Variants in UTS2 observed in about 807,000 individuals in gnomAD.
The protein encoded by UTS2 is urotensin 2, also known as urotensin-2.
In UTS2, 10 loss-of-function variants were observed where a neutral mutation model predicts 12.6. The ratio of observed to expected loss-of-function variants is 0.80; its 90% confidence interval spans 0.49 to 1.35. The LOEUF (loss-of-function observed/expected upper bound fraction) is 1.35. Ranked by LOEUF, UTS2 falls within the 40% of genes most tolerant of loss-of-function variation. The pLI is 0.00. For missense variants in UTS2, 142 were observed against 143.2 expected, an observed-to-expected ratio of 0.99 and a Z score of 0.04; for synonymous variants, 52 against 50.0, an observed-to-expected ratio of 1.04 and a Z score of -0.17.
the UTS2 span, among the ~76,000 whole-genome samples, chr1:7,868,814 G>A: frequency 6.6e-6 from 1 of 152,304 alleles, no homozygotes; most frequent in South Asian, 2.1e-4. Flanking sequence ...TTGCAGGTGG[G>A]GCTGTTGGGA....
At chr1:7,891,444 T>C in the UTS2 span, among the ~76,000 whole-genome samples, 24 of 151,872 alleles carry the variant, frequency 1.6e-4, no homozygotes, top group East Asian at 4.7e-3. Context: ...GAGAATCCCT[T>C]GAACCGGGGA....
chr1:7,901,687 T>C, the UTS2 span, among the ~76,000 whole-genome samples: 1 of 152,050 alleles, frequency 6.6e-6, no homozygotes, highest in Non-Finnish European at 1.5e-5. Flanking sequence ...AGGTAGGTGC[T>C]ATTGTCTTCA....
the UTS2 span, among the ~76,000 whole-genome samples, chr1:7,863,076 T>C: frequency 1.1e-5 from 1 of 93,906 alleles, no homozygotes; most frequent in African/African-American, 4.1e-5. Context: ...TTGTATTGTA[T>C]TGTATTGTAT....
chr1:7,861,737 C>T, the UTS2 span, among the ~76,000 whole-genome samples: 2 of 152,030 alleles, frequency 1.3e-5, no homozygotes, highest in African/African-American at 2.4e-5. Flanking sequence ...GGACAAAAGG[C>T]GGAAACGAGC....
chr1:7,850,365 C>T (rs1017950503), intron 2 of UTS2, among the ~76,000 whole-genome samples: 2 of 152,102 alleles, frequency 1.3e-5, no homozygotes, highest in Non-Finnish European at 2.9e-5. Context: ...TTATTAATGA[C>T]TTTCTGTGTG....
intron 2 of UTS2, 89 bp from the exon 3 acceptor site, chr1:7,849,772 A>G: frequency 8.3e-7 from 1 of 1,202,140 alleles, no homozygotes; most frequent in East Asian, 2.8e-5. Flanking sequence ...TTACTAAATT[A>G]TGTCTAGTTT....
chr1:7,856,819 G>C (rs912241971), upstream of UTS2, among the ~76,000 whole-genome samples: 1 of 119,940 alleles, frequency 8.3e-6, no homozygotes, highest in Non-Finnish European at 2.0e-5. Flanking sequence ...CCAGCACTTT[G>C]GGGGGCCGAG....
At chr1:7,869,069 A>T in the UTS2 span, among the ~76,000 whole-genome samples, 1 of 152,216 alleles carries the variant, frequency 6.6e-6, no homozygotes, top group Non-Finnish European at 1.5e-5. Context: ...CAGCCCCAAC[A>T]GACTAAGGCA....
rs1404410980 is a variant in UTS2 at position 7,853,056 on chromosome 1, C to T, written c.-53G>A. 1.9e-6 allele frequency: 3 copies of T among 1,579,932 alleles called. No homozygotes were observed. The highest frequency in any genetic ancestry group is 2.6e-6 in the Non-Finnish European group (3 of 1,167,630). On this transcript the variant is annotated 5_prime_UTR_variant, in exon 1 of 4. Coordinates refer to ENST00000361696, the MANE Select transcript of UTS2 (RefSeq NM_006786.4). ...CTTGGCTTCTGTTGTAGAGAACTTT[C>T]AACTGTCTCCTCATTCTGCCTGCTC...
upstream of UTS2, among the ~76,000 whole-genome samples, chr1:7,854,017 T>A (rs559266022): frequency 6.6e-6 from 1 of 151,940 alleles, no homozygotes; most frequent in Non-Finnish European, 1.5e-5. Flanking sequence ...ATCACTTGAG[T>A]TTAGGATTTC....
At chr1:7,908,552 AG>A in the UTS2 span, among the ~76,000 whole-genome samples, 1 of 151,022 alleles carries the variant, frequency 6.6e-6, no homozygotes, top group African/African-American at 2.4e-5. Context: ...ATCAGACACC[AG>A]CTACACAAGC....
At chr1:7,870,032 G>A in the UTS2 span, among the ~76,000 whole-genome samples, 1 of 152,188 alleles carries the variant, frequency 6.6e-6, no homozygotes, top group Non-Finnish European at 1.5e-5. Flanking sequence ...AACTGGGCCA[G>A]CTGGCTAATT....
chr1:7,853,384 C>T (rs1266459855), upstream of UTS2: 2 of 1,614,098 alleles, frequency 1.2e-6, no homozygotes, highest in Admixed American at 3.3e-5. Flanking sequence ...ATTTATGAGT[C>T]CGAGCAGAAG....
At chr1:7,858,337 TG>T (rs1436080254), upstream of UTS2, among the ~76,000 whole-genome samples, 3 of 152,114 alleles carry the variant, frequency 2.0e-5, no homozygotes, top group African/African-American at 7.2e-5. Flanking sequence ...CCCTGAGAAG[TG>T]GGATTCCTCT....
chr1:7,879,941 A>G, the UTS2 span, among the ~76,000 whole-genome samples: 1 of 152,198 alleles, frequency 6.6e-6, no homozygotes, highest in Non-Finnish European at 1.5e-5. Context: ...AGCCAAACCC[A>G]AAATTAGTGA....
the UTS2 span, among the ~76,000 whole-genome samples, chr1:7,904,191 G>T: frequency 6.6e-6 from 1 of 151,984 alleles, no homozygotes; most frequent in East Asian, 1.9e-4. Flanking sequence ...CTAATGAAAA[G>T]TAAAGATGGC....
chr1:7,881,639 A>G, the UTS2 span, among the ~76,000 whole-genome samples: 1 of 152,228 alleles, frequency 6.6e-6, no homozygotes, highest in African/African-American at 2.4e-5. Flanking sequence ...AGAGGACACA[A>G]AGAAACTGCA....
At chr1:7,892,395 C>G in the UTS2 span, among the ~76,000 whole-genome samples, 1 of 151,724 alleles carries the variant, frequency 6.6e-6, no homozygotes, top group Non-Finnish European at 1.5e-5. Flanking sequence ...TTGGCCCTGC[C>G]TCCATCTGCA....
At chr1:7,853,972 G>A (rs1211717330), upstream of UTS2, among the ~76,000 whole-genome samples, 2 of 152,236 alleles carry the variant, frequency 1.3e-5, no homozygotes, top group Non-Finnish European at 2.9e-5. Flanking sequence ...GCTCATGCCT[G>A]TAATTTCAGC....
Sources: allele counts gnomAD v4.1 joint callset (sites outside exome capture counted in the v4.1 genomes callset), GRCh38; gene constraint gnomAD v4.1.1; transcripts MANE v1.5; gene names NCBI Gene and HGNC (gene_info 2026-07-23, HGNC 2026-07-21).